The following SLC38A10 variants were observed in gnomAD, a reference collection of about 807,000 sequenced individuals.
SLC38A10 encodes solute carrier family 38 member 10.
Under a neutral mutation model 81.0 loss-of-function variants are expected in SLC38A10, and 53 were observed. The ratio of observed to expected loss-of-function variants is 0.65; its 90% CI spans 0.53 to 0.82. SLC38A10 has a LOEUF of 0.82. SLC38A10 is among the 40% of genes least tolerant of loss of function. SLC38A10 has a pLI of 0.00. For synonymous variants in SLC38A10, 665 were observed against 655.3 expected (o/e 1.01, Z -0.23); for missense variants, 1,471 against 1,545.0 (o/e 0.95, Z 0.80).
At chr17:81,262,760 G>C (rs2063034800) in intron 10 of SLC38A10, among the ~76,000 whole-genome samples, 1 of 152,210 alleles carries the variant, frequency 6.6e-6, no homozygotes, top group African/African-American at 2.4e-5. Flanking sequence ...GCCCCTCCAG[G>C]CCTCAAACGC....
At chr17:81,279,213 C>G (rs2063187306) in intron 6 of SLC38A10, among the ~76,000 whole-genome samples, 1 of 152,252 alleles carries the variant, frequency 6.6e-6, no homozygotes, top group Non-Finnish European at 1.5e-5. Context: ...GCCTCCTGGG[C>G]TCAGTGCTGC....
chr17:81,284,878 TC>T lies in SLC38A10; in HGVS notation c.234del (p.Lys79ArgfsTer11). ...GTCTCCACCAGCATCTTGCCTGCCT[TC>T]CCGTAGGCGTGGAATGCTAGTGCAA... Reference protein sequence around the residue: ...TYAGLAFHAYGKAGKMLVETS... With the variant: ...TYAGLAFHAYXKAGKMLVETS... On this transcript the variant is annotated frameshift_variant, in exon 3 of 16. Transcript: ENST00000374759. LOFTEE classifies it high-confidence loss of function. 1 of 1,545,520 alleles carries T rather than the reference TC, an allele frequency of 6.5e-7. No homozygotes were observed. The highest frequency in any genetic ancestry group is 8.7e-7 in the Non-Finnish European group (1 of 1,144,102).
intron 10 of SLC38A10, among the ~76,000 whole-genome samples, chr17:81,261,985 C>A (rs2063028292): frequency 6.6e-6 from 1 of 152,344 alleles, no homozygotes; most frequent in South Asian, 2.1e-4. Flanking sequence ...GCCCCTTCAG[C>A]CATGTTACAT....
Position 81,276,961 on chromosome 17 carries a change from T to C in SLC38A10, c.729+70A>G. ...AGGGCCAGGGCCATGCCTGTGGCAG[T>C]CCCACGGGGCACCACGGCACATCAT... On this transcript the variant is annotated intron_variant, in intron 7 of 15. Coordinates refer to ENST00000374759, the MANE Select transcript of SLC38A10 (RefSeq NM_001037984.3). This position sits in a 1 kb window ranked among gnomAD's most constrained non-coding sequence, Gnocchi z 4.7. 1 of 1,470,986 alleles carries C rather than the reference T, an allele frequency of 6.8e-7. No individual in the cohort carries two copies. The allele number at this position is 1,470,986 out of a possible 1,614,324, so 91.1% of individuals were successfully genotyped here. A position where few individuals can be genotyped will look rare whatever the true frequency, so the allele number is the denominator to read the frequency against.
chr17:81,262,699 A>T (rs1300319616), intron 10 of SLC38A10, among the ~76,000 whole-genome samples: 2 of 152,230 alleles, frequency 1.3e-5, no homozygotes, highest in East Asian at 3.8e-4. Context: ...CCCAGGTGGG[A>T]ATCCCAGGAG....
intron 10 of SLC38A10, chr17:81,263,531 CCT>C (rs1329406036): frequency 6.6e-6 from 1 of 152,446 alleles, no homozygotes. Flanking sequence ...GGCTCCATCC[CCT>C]CTTTGCTGAG....
At chr17:81,279,928 C>A in intron 6 of SLC38A10, 1 of 285,672 alleles carries the variant, frequency 3.5e-6, no homozygotes, top group South Asian at 3.1e-5. Context: ...GAACAAATTT[C>A]ATCTGTCACA....
rs2146934997 is a variant in SLC38A10 at position 81,276,140 on chromosome 17, GA to G, written c.740del (p.Phe247SerfsTer23). 6.2e-7 allele frequency: 1 copy of G among 1,610,774 alleles called. No homozygotes were observed. The highest frequency in any genetic ancestry group is 8.5e-7 in the Non-Finnish European group (1 of 1,178,182). ...TGGCCTCGGTGAAGCTGACGTAGCC[GA>G]AAAACCCCACCTGTTGGAGAATAAG... ...VTTFYVMVGF[F>X]GYVSFTEATA... is the part of the protein sequence containing the mutation. On this transcript the variant is annotated frameshift_variant, in exon 8 of 16. Transcript: ENST00000374759. LOFTEE classifies it high-confidence loss of function. The surrounding 1 kb of genome is among the most constrained non-coding windows in gnomAD (Gnocchi z 4.7).
intron 6 of SLC38A10, among the ~76,000 whole-genome samples, chr17:81,278,110 G>A (rs544767884): frequency 1.3e-5 from 2 of 152,102 alleles, no homozygotes; most frequent in Non-Finnish European, 2.9e-5. Context: ...ATCCCAAACC[G>A]CCTTGAAGAA....
At position 81,281,057 on chromosome 17, in the gene SLC38A10, C is replaced by T. The variant is rs911980492; in HGVS notation, c.502-324G>A. ...GAGCATGCATGGCCCCAGTTTCCGT[C>T]GGTTACAGAGGCTGGTTTCCCACGT... is the stretch of plus-strand genomic sequence containing the variant. On this transcript the variant is annotated intron_variant, in intron 5 of 15. Transcript: ENST00000374759. This position sits in a 1 kb window ranked among gnomAD's most constrained non-coding sequence, Gnocchi z 5.3. 3.9e-5 allele frequency among the ~76,000 whole-genome samples: 6 copies of T among 152,216 alleles called. No homozygotes were observed. The highest frequency in any genetic ancestry group is 1.9e-4 in the East Asian group (1 of 5,198).
chr17:81,257,729 C>T lies in SLC38A10; in HGVS notation c.1288+2509G>A, dbSNP rs575388788. On this transcript the variant is annotated intron_variant, in intron 11 of 15. Transcript: ENST00000374759. ...AGACCCTCCTTCTGTCCCACATCAC[C>T]GCATTCTGGGTCCCTTCTCAGCCAG... is the stretch of plus-strand genomic sequence containing the variant. 6.5e-4 allele frequency among the ~76,000 whole-genome samples: 99 copies of T among 152,372 alleles called. 1 individual carries two copies. The highest frequency in any genetic ancestry group is 2.2e-3 in the African/African-American group (91 of 41,590).
Position 81,252,691 on chromosome 17 carries a change from G to T in SLC38A10, c.1457-8C>A. ...CCACAGGCACAGCAATCCCTGCAAG[G>T]GCACGGGGGACAGATGGGGTCAGGC... On this transcript the variant is annotated splice_polypyrimidine_tract_variant and splice_region_variant and intron_variant, in intron 12 of 15. Transcript: ENST00000374759. 1 of 1,590,232 alleles carries T rather than the reference G, an allele frequency of 6.3e-7. No individual in the cohort carries two copies. The highest frequency in any genetic ancestry group is 8.5e-7 in the Non-Finnish European group (1 of 1,173,638).
At position 81,272,569 on chromosome 17, in the gene SLC38A10, A is replaced by T; in HGVS notation, c.971T>A (p.Leu324His). 1 of 1,596,086 alleles carries T rather than the reference A, an allele frequency of 6.3e-7. No homozygotes were observed. Among genetic ancestry groups the T allele is most frequent in the Non-Finnish European group, 8.5e-7 (1 of 1,172,432 alleles). ...GYMPPLRFKALTLSVVFGTMV... is the reference protein window; with the variant it reads ...GYMPPLRFKAHTLSVVFGTMV... ...GGTTCCAAACACCACAGAGAGGGTA[A>T]GTGCTTTAAACCGGAGAGGGGGCAT... The change falls in exon 9 of 16, where the codon CTT (leucine) becomes CAT (histidine). Residue 324 changes from leucine to histidine, a missense_variant. This residue lies in a region of SLC38A10 where 720 missense variants were observed against 827.7 expected (regional missense o/e 0.87). Coordinates refer to ENST00000374759, the MANE Select transcript of SLC38A10 (RefSeq NM_001037984.3).
At chr17:81,272,324 A>G (rs2063123672) in intron 9 of SLC38A10, among the ~76,000 whole-genome samples, 192 bp downstream of exon 9, 1 of 151,682 alleles carries the variant, frequency 6.6e-6, no homozygotes. Context: ...GAGCCACCGC[A>G]CCTGGCTCAA....
chr17:81,257,775 C>T (rs536443191), intron 11 of SLC38A10, among the ~76,000 whole-genome samples: 13 of 152,374 alleles, frequency 8.5e-5, no homozygotes, highest in African/African-American at 2.4e-4. Context: ...CATTTTCCCA[C>T]GGAGCGGAAG....
At chr17:81,273,591 G>A (rs2063135829) in intron 8 of SLC38A10, among the ~76,000 whole-genome samples, 4 of 152,210 alleles carry the variant, frequency 2.6e-5, no homozygotes, top group Admixed American at 6.5e-5. Flanking sequence ...TTTTACATAG[G>A]ATGGACTGTG....
chr17:81,245,984 C>T lies in SLC38A10; in HGVS notation c.2932G>A (p.Asp978Asn). 1 of 1,603,694 alleles carries T rather than the reference C, an allele frequency of 6.2e-7. No individual in the cohort carries two copies. Among genetic ancestry groups the T allele is most frequent in the Non-Finnish European group, 8.5e-7 (1 of 1,174,414 alleles). Residue 978 changes from aspartate (D) to asparagine (N), a missense_variant, in exon 16 of 16, where the codon GAC (aspartate) becomes AAC (asparagine). Physicochemically the swap from Asp to Asn is conservative, Grantham distance 23 (BLOSUM62 1). Coordinates refer to ENST00000374759, the MANE Select transcript of SLC38A10 (RefSeq NM_001037984.3). Reference protein sequence around the residue: ...EQGGQQGHRLDHGGHLEMRKA... With the variant: ...EQGGQQGHRLNHGGHLEMRKA... ...CTCATCTCCAGGTGACCGCCATGGTCCAGCCGGTGGCCCTGCTGTCCACCC... is the reference window on the plus strand; with the variant it reads ...CTCATCTCCAGGTGACCGCCATGGTTCAGCCGGTGGCCCTGCTGTCCACCC...
intron 11 of SLC38A10, among the ~76,000 whole-genome samples, chr17:81,258,288 C>T (rs1018952711): frequency 6.6e-5 from 10 of 152,190 alleles, no homozygotes; most frequent in Non-Finnish European, 1.5e-5. Context: ...CAGCCTCAGC[C>T]CGGCAGCCCA....
At chr17:81,254,875 C>T (rs1383931003) in intron 11 of SLC38A10, among the ~76,000 whole-genome samples, 1 of 152,278 alleles carries the variant, frequency 6.6e-6, no homozygotes. Context: ...TCAAGAGGGC[C>T]TGTCCAATGG....
Sources: gnomAD v4.1 joint callset for allele counts (sites outside exome capture counted in the v4.1 genomes callset) on GRCh38, gnomAD v4.1.1 for gene constraint, gnomAD v4.1.1 regional missense constraint, Gnocchi (gnomAD v3.1) non-coding constraint, MANE v1.5 for transcripts, NCBI Gene and HGNC (gene_info 2026-07-23, HGNC 2026-07-21) for gene names.